The following OR51B5 variants were observed in gnomAD, a reference collection of about 807,000 sequenced individuals.
OR51B5 encodes olfactory receptor 51B5.
For missense variants in OR51B5, 456 were observed against 374.6 expected (o/e 1.22, Z -1.79); for synonymous variants, 186 against 144.8 (o/e 1.28, Z -2.04).
At chr11:5,358,956 A>G (rs1398903286) in intron 1 of OR51B5, among the ~76,000 whole-genome samples, 1 of 151,736 alleles carries the variant, frequency 6.6e-6, no homozygotes, top group African/African-American at 2.4e-5. Flanking sequence ...CTTCATGCTA[A>G]AAACTCTCAA....
intron 1 of OR51B5, among the ~76,000 whole-genome samples, chr11:5,449,865 C>A (rs1012224617): frequency 6.6e-6 from 1 of 152,130 alleles, no homozygotes; most frequent in African/African-American, 2.4e-5. Flanking sequence ...ATCAGCTAAA[C>A]TGTAGATGAA....
At chr11:5,387,672 TAAACTTGTCAAGCTGCTCTC>T (rs1390684067) in intron 1 of OR51B5, among the ~76,000 whole-genome samples, 20 of 152,194 alleles carry the variant, frequency 1.3e-4, no homozygotes, top group African/African-American at 4.8e-4. Flanking sequence ...TTTTGTCTTT[TAAACTTGTCAAGCTGCTCTC>T]TGCTTCAGGA....
chr11:5,398,642 CG>C (rs1212795596), intron 1 of OR51B5, among the ~76,000 whole-genome samples: 1 of 152,084 alleles, frequency 6.6e-6, no homozygotes, highest in East Asian at 1.9e-4. Context: ...CCCTATATGT[CG>C]GGGGAGGGAC....
At chr11:5,341,560 T>A (rs1469956075), downstream of OR51B5, among the ~76,000 whole-genome samples, 1 of 152,188 alleles carries the variant, frequency 6.6e-6, no homozygotes, top group Admixed American at 6.5e-5. Flanking sequence ...ATATTTTAAA[T>A]TGAGTTATGG....
intron 1 of OR51B5, among the ~76,000 whole-genome samples, chr11:5,421,357 C>A (rs1235127116): frequency 1.3e-5 from 2 of 152,206 alleles, no homozygotes; most frequent in Non-Finnish European, 2.9e-5. Flanking sequence ...GCAGGAGAAA[C>A]CACAGGTAAG....
intron 1 of OR51B5, among the ~76,000 whole-genome samples, chr11:5,395,828 G>A (rs887111934): frequency 2.6e-5 from 4 of 152,132 alleles, no homozygotes; most frequent in South Asian, 2.1e-4. Flanking sequence ...AATACCTTAC[G>A]CTTCATTGTT....
intron 1 of OR51B5, among the ~76,000 whole-genome samples, chr11:5,456,934 T>G (rs941168940): frequency 6.6e-6 from 1 of 152,166 alleles, no homozygotes; most frequent in Non-Finnish European, 1.5e-5. Flanking sequence ...TTAGTCCTCC[T>G]CTGGACATCA....
intron 1 of OR51B5, among the ~76,000 whole-genome samples, chr11:5,349,599 G>C (rs1849044398): frequency 6.6e-6 from 1 of 151,974 alleles, no homozygotes; most frequent in Non-Finnish European, 1.5e-5. Flanking sequence ...ATATTAATTA[G>C]TTTGATTATG....
chr11:5,504,759 C>T (rs1846348676), intron 1 of OR51B5, among the ~76,000 whole-genome samples: 1 of 152,176 alleles, frequency 6.6e-6, no homozygotes, highest in Non-Finnish European at 1.5e-5. Context: ...GCACACTTTC[C>T]ACGTACCAGG....
At chr11:5,439,613 G>C (rs531962833) in intron 1 of OR51B5, among the ~76,000 whole-genome samples, 275 of 152,240 alleles carry the variant, frequency 1.8e-3, no homozygotes, top group African/African-American at 6.1e-3. Flanking sequence ...TTTTTGTTCA[G>C]ATGTCTAAAG....
chr11:5,480,606 G>A (rs902436144), intron 1 of OR51B5, among the ~76,000 whole-genome samples: 204 of 151,856 alleles, frequency 1.3e-3, no homozygotes, highest in African/African-American at 4.4e-3. Context: ...TTGATAGACC[G>A]CTAGCAAGAC....
intron 1 of OR51B5, among the ~76,000 whole-genome samples, chr11:5,481,635 T>C (rs1456149193): frequency 6.9e-6 from 1 of 145,928 alleles, no homozygotes; most frequent in Non-Finnish European, 1.5e-5. Flanking sequence ...AAAATCTCCT[T>C]AAGCTGATAA....
chr11:5,443,917 C>G (rs1850728330), intron 1 of OR51B5, among the ~76,000 whole-genome samples: 1 of 152,008 alleles, frequency 6.6e-6, no homozygotes, highest in African/African-American at 2.4e-5. Context: ...CATTTTTACA[C>G]TCTTATACTT....
chr11:5,448,533 T>C (rs2133782193), intron 1 of OR51B5, among the ~76,000 whole-genome samples: 1 of 152,272 alleles, frequency 6.6e-6, no homozygotes, highest in South Asian at 2.1e-4. Context: ...ATCTAGGTTG[T>C]GGAAGGAGTT....
At chr11:5,361,431 A>T (rs1249977839) in intron 1 of OR51B5, among the ~76,000 whole-genome samples, 1 of 152,154 alleles carries the variant, frequency 6.6e-6, no homozygotes, top group Admixed American at 6.5e-5. Context: ...TTGGTGTTGG[A>T]TCCAATATCT....
chr11:5,489,289 A>C (rs774642464), intron 1 of OR51B5: 1 of 1,613,074 alleles, frequency 6.2e-7, no homozygotes, highest in Non-Finnish European at 8.5e-7. Flanking sequence ...CTGTGCCAAC[A>C]TCACTGTCAA....
At chr11:5,344,592 A>G (rs1004692626), upstream of OR51B5, among the ~76,000 whole-genome samples, 1 of 152,142 alleles carries the variant, frequency 6.6e-6, no homozygotes, top group Non-Finnish European at 1.5e-5. Context: ...TTCTGCCACT[A>G]GACTAGGGGC....
chr11:5,470,283 T>C (rs1300624925), intron 1 of OR51B5, among the ~76,000 whole-genome samples: 3 of 152,174 alleles, frequency 2.0e-5, no homozygotes, highest in African/African-American at 7.2e-5. Flanking sequence ...CATTCAAATA[T>C]GTCCCACCCA....
At chr11:5,389,106 C>T (rs1436100966) in intron 1 of OR51B5, among the ~76,000 whole-genome samples, 1 of 151,952 alleles carries the variant, frequency 6.6e-6, no homozygotes, top group Non-Finnish European at 1.5e-5. Context: ...AGAATATGGC[C>T]AGGAAATTGC....
Sources: allele counts gnomAD v4.1 joint callset (sites outside exome capture counted in the v4.1 genomes callset), GRCh38; gene constraint gnomAD v4.1.1; transcripts MANE v1.5; gene names NCBI Gene and HGNC (gene_info 2026-07-23, HGNC 2026-07-21).